CAPN5: variants seen among roughly 807,000 people sequenced by gnomAD.
CAPN5 encodes the protein calpain-5.
CAPN5 carries 54 observed loss-of-function variants against 73.0 expected under a neutral mutation model. The ratio of observed to expected loss-of-function variants is 0.74; its 90% CI spans 0.59 to 0.93. CAPN5 has a LOEUF of 0.93. Among genes scored for constraint, CAPN5 ranks in the 40% least tolerant of loss-of-function variants. The pLI is 0.00. For missense variants in CAPN5, 785 were observed against 882.9 expected, an observed-to-expected ratio of 0.89 and a Z score of 1.41; for synonymous variants, 335 against 356.9, an observed-to-expected ratio of 0.94 and a Z score of 0.69.
intron 1 of CAPN5, among the ~76,000 whole-genome samples, chr11:77,076,146 G>T (rs1949966691): frequency 6.9e-6 from 1 of 144,938 alleles, no homozygotes; most frequent in African/African-American, 2.9e-5. Flanking sequence ...CAGATCACTG[G>T]AGATCAGGAG....
rs59430193 is a variant in CAPN5 at position 77,122,717 on chromosome 11, G to C, written c.1740+5G>C. The C allele has an allele frequency of 0.085, 137,471 of 1,612,720 alleles. 8,051 individuals are homozygous for C. Among genetic ancestry groups the C allele is most frequent in the African/African-American group, 0.26 (19,215 of 74,952 alleles). On this transcript the variant is annotated splice_donor_5th_base_variant and intron_variant, in intron 12 of 12. Transcript: ENST00000648180. ...AGCCAGCCCATCACTGTACAGGTGAGCCCCCTGGTCCAGAGGCCACCTCCT... is the reference window on the plus strand; with the variant it reads ...AGCCAGCCCATCACTGTACAGGTGACCCCCCTGGTCCAGAGGCCACCTCCT...
At chr11:77,068,134 T>G (rs1188437913) in intron 1 of CAPN5, among the ~76,000 whole-genome samples, 1 of 152,112 alleles carries the variant, frequency 6.6e-6, no homozygotes. Flanking sequence ...GGAACCACTG[T>G]GTTTTGCAAG....
chr11:77,113,606 A>G (rs1054620386), intron 4 of CAPN5, among the ~76,000 whole-genome samples: 6 of 152,142 alleles, frequency 3.9e-5, no homozygotes, highest in African/African-American at 1.4e-4. Context: ...AAAGGGGGAG[A>G]GAGGAAAAGG....
intron 9 of CAPN5, chr11:77,120,465 T>C: frequency 4.5e-6 from 2 of 440,272 alleles, no homozygotes; most frequent in South Asian, 6.4e-5. Flanking sequence ...CACAATCAAC[T>C]GTAGAACATT....
intron 1 of CAPN5, among the ~76,000 whole-genome samples, chr11:77,081,766 C>T (rs1467595348): frequency 6.6e-6 from 1 of 152,082 alleles, no homozygotes; most frequent in Non-Finnish European, 1.5e-5. Flanking sequence ...GATGTGGGCA[C>T]CGGCTGGCAC....
intron 12 of CAPN5, among the ~76,000 whole-genome samples, chr11:77,123,284 TC>T (rs1950542023): frequency 6.6e-6 from 1 of 152,204 alleles, no homozygotes; most frequent in African/African-American, 2.4e-5. Flanking sequence ...CTGTGGCTTA[TC>T]CAAGTTTTCT....
Position 77,073,759 on chromosome 11 carries a change from G to T in CAPN5, c.-36+6665G>T, listed in dbSNP as rs7122016. 4.3e-4 allele frequency among the ~76,000 whole-genome samples: 65 copies of T among 152,200 alleles called. 1 individual carries two copies. Among genetic ancestry groups the T allele is most frequent in the Middle Eastern group, 3.4e-3 (1 of 294 alleles). Reference sequence around the variant, plus strand: ...ACACAGAAACGATAAGGGAAGGAGAGGGGAGGGGAGGAAATAGACAGGATT... The same window carrying T: ...ACACAGAAACGATAAGGGAAGGAGATGGGAGGGGAGGAAATAGACAGGATT... On this transcript the variant is annotated intron_variant, in intron 1 of 12. Transcript: ENST00000648180.
chr11:77,121,400 G>A (rs77301713), intron 10 of CAPN5, among the ~76,000 whole-genome samples: 3,052 of 152,352 alleles, frequency 0.02, 41 homozygotes, highest in South Asian at 0.058. Context: ...GACCCTGTGC[G>A]TCCCGCACTG....
chr11:77,096,390 C>T (rs964553050), intron 3 of CAPN5, among the ~76,000 whole-genome samples: 5 of 152,178 alleles, frequency 3.3e-5, no homozygotes, highest in Non-Finnish European at 7.3e-5. Context: ...TGCCCAGGGT[C>T]GTGGAGGATT....
intron 1 of CAPN5, among the ~76,000 whole-genome samples, chr11:77,078,512 T>C (rs1555034184): frequency 6.6e-6 from 1 of 152,196 alleles, no homozygotes; most frequent in East Asian, 1.9e-4. Context: ...CCTCCAGCTT[T>C]GTTCTTTTTG....
chr11:77,124,103 C>A lies in CAPN5; in HGVS notation c.*233C>A. 1.8e-6 allele frequency: 1 copy of A among 563,620 alleles called. No homozygotes were observed. Among genetic ancestry groups the A allele is most frequent in the Non-Finnish European group, 3.2e-6 (1 of 316,706 alleles). The allele number at this position is 563,620 out of a possible 1,614,324, so 34.9% of individuals were successfully genotyped here. A position where few individuals can be genotyped will look rare whatever the true frequency, so the allele number is the denominator to read the frequency against. On this transcript the variant is annotated 3_prime_UTR_variant, in exon 13 of 13. Transcript: ENST00000648180. ...TGCTGAGATTTCAAATAGTCCTCCC[C>A]ACCTCAACTGTCACCACTGCTAAGG... is the stretch of plus-strand genomic sequence containing the variant.
At chr11:77,084,742 C>T (rs2135422571) in intron 1 of CAPN5, 110 bp from the exon 2 acceptor site, 1 of 946,696 alleles carries the variant, frequency 1.1e-6, no homozygotes, top group Admixed American at 2.0e-5. Flanking sequence ...GGCTCCACGC[C>T]TCGCTGAGCC....
At chr11:77,078,955 T>C (rs1555034261) in intron 1 of CAPN5, among the ~76,000 whole-genome samples, 1 of 152,168 alleles carries the variant, frequency 6.6e-6, no homozygotes. Context: ...ATTTTTATCA[T>C]GAAAGGATGC....
chr11:77,070,625 G>A (rs546762370), intron 1 of CAPN5, among the ~76,000 whole-genome samples: 3 of 152,336 alleles, frequency 2.0e-5, no homozygotes, highest in African/African-American at 7.2e-5. Context: ...GAACAGCATC[G>A]TTCAAGAGCA....
chr11:77,085,156 C>T (rs1555035287), intron 2 of CAPN5, 105 bp downstream of exon 2: 3 of 974,994 alleles, frequency 3.1e-6, no homozygotes, highest in East Asian at 2.5e-5. Context: ...TCCCTGGCCC[C>T]AGGCTGCTGA....
At chr11:77,069,521 T>A (rs1949880180) in intron 1 of CAPN5, among the ~76,000 whole-genome samples, 1 of 152,070 alleles carries the variant, frequency 6.6e-6, no homozygotes, top group South Asian at 2.1e-4. Flanking sequence ...CTTCTAGCCC[T>A]TGAGGAGAGG....
intron 9 of CAPN5, chr11:77,119,722 C>T (rs1555042421): frequency 6.4e-6 from 1 of 155,952 alleles, no homozygotes; most frequent in Non-Finnish European, 1.4e-5. Context: ...AATGAAGCCA[C>T]CGGGCCCTGC....
intron 2 of CAPN5, among the ~76,000 whole-genome samples, chr11:77,093,383 C>T (rs776539205): frequency 7.2e-5 from 11 of 152,304 alleles, no homozygotes; most frequent in Admixed American, 2.0e-4. Context: ...GGCAGTGCCC[C>T]GGGTCCAGCG....
chr11:77,086,736 G>A (rs60139374), intron 2 of CAPN5, among the ~76,000 whole-genome samples: 34,512 of 152,150 alleles, frequency 0.23, 4,019 homozygotes, highest in South Asian at 0.4. Flanking sequence ...GGCTACCCCC[G>A]TCCTGACTCC....
Sources: gnomAD v4.1 joint callset for allele counts (sites outside exome capture counted in the v4.1 genomes callset) on GRCh38, gnomAD v4.1.1 for gene constraint, MANE v1.5 for transcripts, NCBI Gene and HGNC (gene_info 2026-07-23, HGNC 2026-07-21) for gene names.